SPEN: variants seen among roughly 807,000 people sequenced by gnomAD.
SPEN encodes msx2-interacting protein.
Under a neutral mutation model 269.9 loss-of-function variants are expected in SPEN, and 18 were observed. The observed-to-expected ratio is 0.07, with a 90% CI of 0.05 to 0.10. SPEN has a LOEUF of 0.10. SPEN is among the 10% of genes least tolerant of loss of function. The pLI is 1.00. For missense variants in SPEN, 3,822 were observed against 4,631.2 expected (o/e 0.83, Z 5.07); for synonymous variants, 1,726 against 1,765.7 (o/e 0.98, Z 0.56).
chr1:15,860,415 G>GTA (rs1410085658), intron 1 of SPEN, among the ~76,000 whole-genome samples: 19 of 141,184 alleles, frequency 1.3e-4, no homozygotes, highest in African/African-American at 5.3e-4. Context: ...GTGTGTGTGT[G>GTA]TGTATGTGTA....
At chr1:15,917,631 C>A (rs2071078368) in intron 6 of SPEN, 1 of 152,502 alleles carries the variant, frequency 6.6e-6, no homozygotes, top group Admixed American at 6.5e-5. Context: ...CTCAGGTGAT[C>A]TACCTGCCGT....
rs1319306724 is a variant in SPEN at position 15,930,503 on chromosome 1, A to G, written c.4263A>G (p.Arg1421=). 1 of 1,614,048 alleles carries G rather than the reference A, an allele frequency of 6.2e-7. No homozygotes were observed. Among genetic ancestry groups the G allele is most frequent in the Admixed American group, 1.7e-5 (1 of 60,008 alleles). ...ACAAGCTACGTGAGCGAGATGAAAG[A>G]CTCTCTAGTTCTTTAGAAAGGAACA... is the stretch of plus-strand genomic sequence containing the variant. ...REDKLRERDE[R]LSSSLERNKF... Residue 1421 remains arginine (R), a synonymous_variant, in exon 11 of 15, where the codon AGA becomes AGG. Transcript: ENST00000375759. The surrounding 1 kb of genome is among the most constrained non-coding windows in gnomAD (Gnocchi z 5.3).
In SPEN at chr1:15,935,457, C is replaced by T. The variant is rs2071265337; in HGVS notation, c.9217C>T (p.Pro3073Ser). The T allele has an allele frequency of 6.2e-7, 1 of 1,614,140 alleles. No individual in the cohort carries two copies. Reference protein sequence around the residue: ...PVPQFISSIHPEQSVIMPPHS... With the variant: ...PVPQFISSIHSEQSVIMPPHS... The stretch of plus-strand genomic sequence containing the variant: ...GCCCCAGTTCATCTCCAGCATCCAC[C>T]CAGAGCAGTCTGTCATCATGCCACC... Residue 3073 changes from proline (P) to serine (S), a missense_variant, in exon 11 of 15, where the codon CCA becomes TCA. By Grantham distance (74) the Pro-to-Ser change is moderately conservative (BLOSUM62 -1). Transcript: ENST00000375759. This position sits in a 1 kb window ranked among gnomAD's most constrained non-coding sequence, Gnocchi z 7.7.
At chr1:15,927,463 TTAGA>T (rs1169085294) in intron 10 of SPEN, among the ~76,000 whole-genome samples, 2 of 152,228 alleles carry the variant, frequency 1.3e-5, no homozygotes, top group African/African-American at 2.4e-5. Flanking sequence ...AAATTGTGAA[TTAGA>T]TAGAAGTGTT....
chr1:15,922,272 T>C lies in SPEN; in HGVS notation c.1773T>C (p.Ser591=). Residue 591 remains serine (S), a synonymous_variant, in exon 10 of 15, where the codon AGT becomes AGC. Transcript: ENST00000375759. ...AGGTGGATTTTGCAAATCGGGAAAG[T>C]CAGCTGGCTTTTTATCACTGCATGG... is the stretch of plus-strand genomic sequence containing the variant. ...KIKVDFANRE[S]QLAFYHCMEK... The C allele has an allele frequency of 7.5e-6, 12 of 1,601,876 alleles. No individual in the cohort carries two copies. Among genetic ancestry groups the C allele is most frequent in the Non-Finnish European group, 9.3e-6 (11 of 1,177,262 alleles).
intron 7 of SPEN, 63 bp downstream of exon 7, chr1:15,919,114 G>C (rs1483474197): frequency 4.0e-6 from 6 of 1,502,524 alleles, no homozygotes; most frequent in South Asian, 1.2e-5. Flanking sequence ...AGACTTGAAG[G>C]GTTTTTTTTT....
At chr1:15,884,739 CTT>C (rs33965389) in intron 3 of SPEN, among the ~76,000 whole-genome samples, 107 of 145,590 alleles carry the variant, frequency 7.3e-4, no homozygotes, top group African/African-American at 5.3e-4. Context: ...CTTTTTCTTT[CTT>C]TTTTTTTTTT....
intron 7 of SPEN, 65 bp from the exon 8 acceptor site, chr1:15,919,339 A>G: frequency 9.4e-7 from 1 of 1,058,498 alleles, no homozygotes. Flanking sequence ...GTTTTCTGAG[A>G]ATTCTGTTGT....
At chr1:15,869,566 T>A (rs2148709247) in intron 1 of SPEN, among the ~76,000 whole-genome samples, 1 of 148,754 alleles carries the variant, frequency 6.7e-6, no homozygotes, top group South Asian at 2.1e-4. Flanking sequence ...GCACAAACAT[T>A]TATTGTCTCT....
At position 15,937,312 on chromosome 1, in the gene SPEN, A is replaced by G. The variant is rs775279729; in HGVS notation, c.10176A>G (p.Ala3392=). 1.9e-6 allele frequency: 3 copies of G among 1,613,910 alleles called. No homozygotes were observed. Among genetic ancestry groups the G allele is most frequent in the Middle Eastern group, 1.7e-4 (1 of 6,060 alleles). Residue 3392 remains alanine, a synonymous_variant, in exon 12 of 15, where the codon GCA becomes GCG. Coordinates refer to ENST00000375759, the MANE Select transcript of SPEN (RefSeq NM_015001.3). The surrounding 1 kb of genome is among the most constrained non-coding windows in gnomAD (Gnocchi z 5.7). ...AGATGCCTCAAGTGTCCCAGGAGGC[A>G]AAGGGGACCCAGACGGGAGTAGAGC... is the stretch of plus-strand genomic sequence containing the variant. ...SSKMPQVSQE[A]KGTQTGVEQP... is the part of the protein sequence containing the mutation.
chr1:15,922,366 T>C lies in SPEN; in HGVS notation c.1850+17T>C, dbSNP rs758891819. The C allele has an allele frequency of 3.2e-6, 5 of 1,542,546 alleles. No individual in the cohort carries two copies. The South Asian group carries it at 4.8e-5, about 15-fold the overall frequency. On this transcript the variant is annotated intron_variant, in intron 10 of 14. Coordinates refer to ENST00000375759, the MANE Select transcript of SPEN (RefSeq NM_015001.3). Reference sequence around the variant, plus strand: ...CGAAAGAAGGTATGTATTTTAAACTTACCAGTGTAGCTTGAGTTTTAATAG... The same window carrying C: ...CGAAAGAAGGTATGTATTTTAAACTCACCAGTGTAGCTTGAGTTTTAATAG...
At chr1:15,887,276 A>ATTTTTTTTT (rs34435171) in intron 3 of SPEN, among the ~76,000 whole-genome samples, 2 of 82,318 alleles carry the variant, frequency 2.4e-5, no homozygotes, top group African/African-American at 5.5e-5. Context: ...CCTGGCCTGA[A>ATTTTTTTTT]TTTTTTTTTT....
chr1:15,876,979 A>G (rs950501335), intron 3 of SPEN, among the ~76,000 whole-genome samples: 1 of 152,212 alleles, frequency 6.6e-6, no homozygotes, highest in Non-Finnish European at 1.5e-5. Flanking sequence ...CACTGAAAAT[A>G]TGGTATCTCT....
At position 15,935,599 on chromosome 1, in the gene SPEN, C is replaced by G; in HGVS notation, c.9359C>G (p.Pro3120Arg). The G allele has an allele frequency of 6.2e-7, 1 of 1,614,120 alleles. No individual in the cohort carries two copies. Among genetic ancestry groups the G allele is most frequent in the African/African-American group, 1.3e-5 (1 of 75,024 alleles). Residue 3120 changes from proline to arginine, a missense_variant, in exon 11 of 15, where the codon CCT becomes CGT. Physicochemically the swap from Pro to Arg is moderately radical, Grantham distance 103. Transcript: ENST00000375759. This position sits in a 1 kb window ranked among gnomAD's most constrained non-coding sequence, Gnocchi z 7.7. ...ATCCGGCCAGAAGCGCTTCACTCTCCTCGGGCTCCGCTGCAGCCCCAGCAA... is the reference window on the plus strand; with the variant it reads ...ATCCGGCCAGAAGCGCTTCACTCTCGTCGGGCTCCGCTGCAGCCCCAGCAA... ...YSIRPEALHS[P>R]RAPLQPQQIE... is the part of the protein sequence containing the mutation.
At chr1:15,855,336 A>G (rs1361708984) in intron 1 of SPEN, among the ~76,000 whole-genome samples, 5 of 152,162 alleles carry the variant, frequency 3.3e-5, no homozygotes, top group Non-Finnish European at 5.9e-5. Context: ...CACATAACGT[A>G]TGTACTTTTA....
In SPEN at chr1:15,935,249, G is replaced by A. The variant is rs1443872435; in HGVS notation, c.9009G>A (p.Ser3003=). 6.2e-6 allele frequency: 10 copies of A among 1,613,926 alleles called. No individual in the cohort carries two copies. Among genetic ancestry groups the A allele is most frequent in the South Asian group, 4.4e-5 (4 of 91,072 alleles). ...KLPTEVNHVP[S]GPSIPADRTV... ...CTACAGAAGTCAACCATGTCCCCTC[G>A]GGGCCCAGCATCCCAGCAGATCGAA... Residue 3003 remains serine, a synonymous_variant, in exon 11 of 15, where the codon TCG becomes TCA. Coordinates refer to ENST00000375759, the MANE Select transcript of SPEN (RefSeq NM_015001.3). This position sits in a 1 kb window ranked among gnomAD's most constrained non-coding sequence, Gnocchi z 7.7.
At chr1:15,900,383 C>G (rs963359541) in intron 3 of SPEN, among the ~76,000 whole-genome samples, 4 of 152,072 alleles carry the variant, frequency 2.6e-5, no homozygotes, top group Non-Finnish European at 5.9e-5. Context: ...TTGATGTAAA[C>G]CTTACACTAG....
intron 1 of SPEN, among the ~76,000 whole-genome samples, chr1:15,859,768 C>T (rs573612210): frequency 5.3e-5 from 8 of 151,936 alleles, no homozygotes; most frequent in Non-Finnish European, 1.2e-4. Context: ...AAATGATTTT[C>T]GAGAGGACTT....
intron 3 of SPEN, among the ~76,000 whole-genome samples, chr1:15,897,531 T>C (rs543259422): frequency 1.3e-5 from 2 of 152,252 alleles, no homozygotes; most frequent in East Asian, 1.9e-4. Context: ...CCAGCTAATA[T>C]TGTATTTTTA....
Sources: gnomAD v4.1 joint callset for allele counts (sites outside exome capture counted in the v4.1 genomes callset) on GRCh38, gnomAD v4.1.1 for gene constraint, Gnocchi (gnomAD v3.1) non-coding constraint, MANE v1.5 for transcripts, NCBI Gene and HGNC (gene_info 2026-07-23, HGNC 2026-07-21) for gene names.